The following RAB31 variants were observed in gnomAD, a reference collection of about 807,000 sequenced individuals.
RAB31 encodes RAB31, member RAS oncogene family.
A neutral mutation model predicts 25.6 loss-of-function variants in RAB31; 21 were observed. The ratio of observed to expected loss-of-function variants is 0.82; its 90% confidence interval spans 0.58 to 1.18. The LOEUF (loss-of-function observed/expected upper bound fraction) is 1.18. Ranked by LOEUF, RAB31 falls within the 50% of genes most tolerant of loss-of-function variation. The probability of loss-of-function intolerance (pLI) is 0.00; values close to 1 mark genes in which losing one functional copy is unlikely to be tolerated. For missense variants in RAB31, 196 were observed against 250.1 expected (o/e 0.78, Z 1.46); for synonymous variants, 87 against 84.0 (o/e 1.04, Z -0.20).
At chr18:9,813,178 T>C (rs879376994) in intron 3 of RAB31, among the ~76,000 whole-genome samples, 2 of 152,198 alleles carry the variant, frequency 1.3e-5, no homozygotes, top group South Asian at 2.1e-4. Context: ...TGCTGTCTTG[T>C]CATTTGTGGA....
chr18:9,730,171 A>G (rs1299643912), intron 1 of RAB31, among the ~76,000 whole-genome samples: 2 of 152,194 alleles, frequency 1.3e-5, no homozygotes, highest in Admixed American at 1.3e-4. Flanking sequence ...CAACTTCTGC[A>G]TGTTATTTGG....
rs1034776818 is a variant in RAB31 at position 9,716,148 on chromosome 18, T to A, written c.39+7704T>A. ...TTAGTCACTGTGCATCTAAAACAGT[T>A]CCCCTTCTTTTTTCCCCATGACTCT... On this transcript the variant is annotated intron_variant, in intron 1 of 6. Coordinates refer to ENST00000578921, the MANE Select transcript of RAB31 (RefSeq NM_006868.4). Among the ~76,000 whole-genome samples the A allele has an allele frequency of 2.6e-5, 4 of 152,262 alleles. No individual in the cohort carries two copies. The South Asian group carries it at 8.3e-4, about 32-fold the overall frequency.
At chr18:9,721,996 G>A (rs753558153) in intron 1 of RAB31, among the ~76,000 whole-genome samples, 1 of 152,138 alleles carries the variant, frequency 6.6e-6, no homozygotes, top group Non-Finnish European at 1.5e-5. Flanking sequence ...AGACAGAGAG[G>A]TCTGTGAGGC....
At chr18:9,848,944 T>A (rs2143142229) in intron 6 of RAB31, among the ~76,000 whole-genome samples, 1 of 152,348 alleles carries the variant, frequency 6.6e-6, no homozygotes, top group East Asian at 1.9e-4. Flanking sequence ...AGACTGAAGC[T>A]ACCCTGTAAA....
chr18:9,799,763 A>G (rs1236359020), intron 3 of RAB31, among the ~76,000 whole-genome samples: 1 of 152,224 alleles, frequency 6.6e-6, no homozygotes, highest in Non-Finnish European at 1.5e-5. Context: ...GGTAATTCAT[A>G]GGGTGCATCT....
chr18:9,718,298 T>C (rs771440769), intron 1 of RAB31, among the ~76,000 whole-genome samples: 1 of 152,204 alleles, frequency 6.6e-6, no homozygotes, highest in Non-Finnish European at 1.5e-5. Context: ...TTGCTTTTGT[T>C]ACCAAGGCTG....
intron 1 of RAB31, among the ~76,000 whole-genome samples, chr18:9,724,312 A>G (rs986848936): frequency 6.6e-6 from 1 of 151,812 alleles, no homozygotes; most frequent in Non-Finnish European, 1.5e-5. Context: ...TATTATTGAA[A>G]TGATACTTCA....
chr18:9,737,987 C>T (rs1049037644), intron 1 of RAB31, among the ~76,000 whole-genome samples: 7 of 152,176 alleles, frequency 4.6e-5, no homozygotes, highest in South Asian at 2.1e-4. Flanking sequence ...GGCAGCCAGC[C>T]GGCCGGCATT....
At chr18:9,779,537 C>G (rs1456804695) in intron 2 of RAB31, among the ~76,000 whole-genome samples, 1 of 152,234 alleles carries the variant, frequency 6.6e-6, no homozygotes, top group African/African-American at 2.4e-5. Flanking sequence ...GAAACTGAGT[C>G]AGGCTGCCAA....
intron 1 of RAB31, among the ~76,000 whole-genome samples, chr18:9,729,370 A>G (rs917091659): frequency 2.0e-5 from 3 of 152,034 alleles, no homozygotes; most frequent in African/African-American, 7.2e-5. Context: ...TACTAAAAAT[A>G]TAAAAAATTA....
intron 1 of RAB31, among the ~76,000 whole-genome samples, chr18:9,757,493 C>G (rs1486313414): frequency 1.3e-5 from 2 of 152,176 alleles, no homozygotes; most frequent in Admixed American, 1.3e-4. Context: ...GAGAGTAATG[C>G]CCAGTCTTTA....
chr18:9,856,758 T>A (rs1431736448), intron 6 of RAB31, among the ~76,000 whole-genome samples: 1 of 152,178 alleles, frequency 6.6e-6, no homozygotes, highest in Non-Finnish European at 1.5e-5. Context: ...AAAGTCCTGA[T>A]TGCAGTGTGT....
chr18:9,778,711 T>A (rs1441943570), intron 2 of RAB31, among the ~76,000 whole-genome samples: 1 of 152,176 alleles, frequency 6.6e-6, no homozygotes, highest in Non-Finnish European at 1.5e-5. Flanking sequence ...CCTCAGGTGA[T>A]CCACCCCCCT....
intron 1 of RAB31, among the ~76,000 whole-genome samples, chr18:9,761,840 C>A (rs1172534491): frequency 6.6e-6 from 1 of 152,182 alleles, no homozygotes; most frequent in Non-Finnish European, 1.5e-5. Flanking sequence ...CAGAGTCTTG[C>A]TCTGTTGCCC....
intron 4 of RAB31, chr18:9,814,668 G>A (rs2068592072): frequency 6.2e-6 from 1 of 160,472 alleles, no homozygotes; most frequent in Admixed American, 6.1e-5. Flanking sequence ...CTTTCCACGA[G>A]TTCCTGACCA....
intron 2 of RAB31, among the ~76,000 whole-genome samples, chr18:9,786,024 G>A (rs117052111): frequency 1.3e-4 from 19 of 149,282 alleles, no homozygotes; most frequent in East Asian, 8.0e-4. Context: ...GCACTCTAGC[G>A]TGGGCGACAG....
chr18:9,746,196 A>C (rs2068204935), intron 1 of RAB31, among the ~76,000 whole-genome samples: 1 of 152,230 alleles, frequency 6.6e-6, no homozygotes, highest in Non-Finnish European at 1.5e-5. Flanking sequence ...AACCAAATAC[A>C]TTTAACCAAA....
chr18:9,797,073 G>C (rs945046059), intron 3 of RAB31, among the ~76,000 whole-genome samples: 1 of 152,160 alleles, frequency 6.6e-6, no homozygotes, highest in Non-Finnish European at 1.5e-5. Flanking sequence ...TCTGTGCACG[G>C]GAAGCAGCTG....
intron 5 of RAB31, among the ~76,000 whole-genome samples, chr18:9,821,734 C>T (rs976887509): frequency 6.6e-6 from 1 of 152,012 alleles, no homozygotes. Flanking sequence ...AAATGAAATA[C>T]TTAGGCATAT....
Sources: allele counts gnomAD v4.1 joint callset (sites outside exome capture counted in the v4.1 genomes callset), GRCh38; gene constraint gnomAD v4.1.1; transcripts MANE v1.5; gene names NCBI Gene and HGNC (gene_info 2026-07-23, HGNC 2026-07-21).